The following ASIC2 variants were observed in gnomAD, a reference collection of about 807,000 sequenced individuals.
ASIC2 encodes the protein acid sensing ion channel subunit 2, also known as acid-sensing ion channel 2.
ASIC2 carries 25 observed loss-of-function variants against 57.3 expected under a neutral mutation model. The observed-to-expected ratio is 0.44, with a 90% CI of 0.32 to 0.61. ASIC2 has a LOEUF of 0.61. ASIC2 is among the 20% of genes least tolerant of loss of function. ASIC2 has a pLI of 0.06. For missense variants in ASIC2, 641 were observed against 738.1 expected, an observed-to-expected ratio of 0.87 and a Z score of 1.52; for synonymous variants, 319 against 307.5, an observed-to-expected ratio of 1.04 and a Z score of -0.39.
At chr17:34,126,030 A>C (rs1911771180) in intron 1 of ASIC2, among the ~76,000 whole-genome samples, 1 of 152,178 alleles carries the variant, frequency 6.6e-6, no homozygotes, top group African/African-American at 2.4e-5. Context: ...TGCTCAATGA[A>C]GTGTGAATGC....
At chr17:33,253,869 G>T (rs1429295110) in intron 1 of ASIC2, among the ~76,000 whole-genome samples, 1 of 152,150 alleles carries the variant, frequency 6.6e-6, no homozygotes, top group Non-Finnish European at 1.5e-5. Context: ...TCAGACTGGG[G>T]ATAATTAGGT....
At chr17:33,731,944 C>T (rs1460235437) in intron 1 of ASIC2, among the ~76,000 whole-genome samples, 1 of 152,064 alleles carries the variant, frequency 6.6e-6, no homozygotes, top group Admixed American at 6.5e-5. Flanking sequence ...GCTAGATGAA[C>T]AGAGCACTAG....
At chr17:33,078,117 C>G (rs980329417) in intron 3 of ASIC2, among the ~76,000 whole-genome samples, 1 of 152,118 alleles carries the variant, frequency 6.6e-6, no homozygotes, top group African/African-American at 2.4e-5. Context: ...TAACTTGTCC[C>G]CTGAGTAAGA....
intron 1 of ASIC2, among the ~76,000 whole-genome samples, chr17:33,426,888 AG>A (rs1174208194): frequency 6.6e-6 from 1 of 152,234 alleles, no homozygotes; most frequent in Non-Finnish European, 1.5e-5. Flanking sequence ...AGAAACTTTT[AG>A]GGAGGGGAAT....
intron 1 of ASIC2, among the ~76,000 whole-genome samples, chr17:34,131,246 C>T (rs1911947668): frequency 6.6e-6 from 1 of 152,036 alleles, no homozygotes; most frequent in East Asian, 1.9e-4. Flanking sequence ...AAAGTAGTGA[C>T]ATATTGAGAG....
chr17:34,146,007 T>C (rs1025260945), intron 1 of ASIC2, among the ~76,000 whole-genome samples: 1 of 152,170 alleles, frequency 6.6e-6, no homozygotes, highest in Non-Finnish European at 1.5e-5. Context: ...CAGGTGCTGA[T>C]AAAAGTGTAT....
chr17:33,533,080 C>A (rs1915104045), intron 1 of ASIC2, among the ~76,000 whole-genome samples: 3 of 152,178 alleles, frequency 2.0e-5, no homozygotes, highest in Admixed American at 2.0e-4. Flanking sequence ...AGTGCAGTGG[C>A]TCATGCCTTA....
chr17:33,933,387 G>T (rs35090281), intron 1 of ASIC2, among the ~76,000 whole-genome samples: 2 of 152,162 alleles, frequency 1.3e-5, no homozygotes, highest in East Asian at 3.9e-4. Context: ...TTTATTCACC[G>T]CAGTGCCTGG....
intron 1 of ASIC2, among the ~76,000 whole-genome samples, chr17:33,306,994 TTTC>T (rs1906206409): frequency 6.6e-6 from 1 of 152,042 alleles, no homozygotes; most frequent in African/African-American, 2.4e-5. Flanking sequence ...TATTATATAT[TTTC>T]TTCTTGAAAA....
chr17:33,195,353 G>A (rs1422812181), intron 1 of ASIC2, among the ~76,000 whole-genome samples: 3 of 152,108 alleles, frequency 2.0e-5, no homozygotes, highest in East Asian at 1.9e-4. Flanking sequence ...TCCTCTACCC[G>A]CTTTACACCT....
intron 1 of ASIC2, among the ~76,000 whole-genome samples, chr17:33,536,621 A>G (rs1237298963): frequency 6.6e-6 from 1 of 152,206 alleles, no homozygotes; most frequent in Non-Finnish European, 1.5e-5. Context: ...TATCTTGCAT[A>G]TATGACTGTA....
At chr17:33,593,591 A>G (rs147020918) in intron 1 of ASIC2, among the ~76,000 whole-genome samples, 1 of 152,166 alleles carries the variant, frequency 6.6e-6, no homozygotes, top group African/African-American at 2.4e-5. Flanking sequence ...GGTGATAATG[A>G]TGGCAGCTTC....
Position 33,028,236 on chromosome 17 carries a change from A to G in ASIC2, c.1138+6T>C, listed in dbSNP as rs775618696. ...GGCCCTGTGGCCACCCTGCCCTGGC[A>G]CTGACCTGGCATGTGAACCATGCGG... On this transcript the variant is annotated splice_donor_region_variant and intron_variant, in intron 4 of 9. Transcript: ENST00000225823. The G allele has an allele frequency of 6.2e-7, 1 of 1,613,556 alleles. No individual in the cohort carries two copies. Among genetic ancestry groups the G allele is most frequent in the Non-Finnish European group, 8.5e-7 (1 of 1,179,934 alleles).
intron 1 of ASIC2, among the ~76,000 whole-genome samples, chr17:33,285,814 C>G (rs1905139476): frequency 6.6e-6 from 1 of 152,240 alleles, no homozygotes; most frequent in South Asian, 2.1e-4. Flanking sequence ...TTCACACAGT[C>G]TTCCAGGGTT....
At chr17:33,128,548 T>C (rs776349327) in intron 1 of ASIC2, among the ~76,000 whole-genome samples, 62 of 152,148 alleles carry the variant, frequency 4.1e-4, no homozygotes, top group Non-Finnish European at 7.6e-4. Flanking sequence ...GCAGGAGAAG[T>C]TGAATTTCCA....
At chr17:33,566,207 C>T (rs892346006) in intron 1 of ASIC2, among the ~76,000 whole-genome samples, 1 of 152,202 alleles carries the variant, frequency 6.6e-6, no homozygotes, top group Non-Finnish European at 1.5e-5. Context: ...TAGCTCAGGA[C>T]AAATACTTGG....
chr17:33,680,405 C>T (rs976928901), intron 1 of ASIC2, among the ~76,000 whole-genome samples: 2 of 152,046 alleles, frequency 1.3e-5, no homozygotes, highest in East Asian at 1.9e-4. Context: ...TGTTAGACTA[C>T]GCAGGCTTTC....
chr17:33,205,857 G>A (rs539469846), intron 1 of ASIC2, among the ~76,000 whole-genome samples: 2 of 152,162 alleles, frequency 1.3e-5, no homozygotes, highest in Admixed American at 1.3e-4. Context: ...TAATTTGATT[G>A]GGCTGACAAC....
chr17:33,502,905 C>T (rs1263217401), intron 1 of ASIC2, among the ~76,000 whole-genome samples: 1 of 152,012 alleles, frequency 6.6e-6, no homozygotes, highest in African/African-American at 2.4e-5. Context: ...GACTCTTACC[C>T]TAGAATTATA....
Sources: allele counts gnomAD v4.1 joint callset (sites outside exome capture counted in the v4.1 genomes callset), GRCh38; gene constraint gnomAD v4.1.1; transcripts MANE v1.5; gene names NCBI Gene and HGNC (gene_info 2026-07-23, HGNC 2026-07-21).